Variants in RANBP2 observed in about 807,000 individuals in gnomAD.
The protein encoded by RANBP2 is E3 SUMO-protein ligase RanBP2.
RANBP2 carries 57 observed loss-of-function variants against 303.6 expected under a neutral mutation model. The observed-to-expected ratio is 0.19, with a 90% confidence interval of 0.15 to 0.23. The LOEUF is 0.23. Among genes scored for constraint, RANBP2 ranks in the 10% least tolerant of loss-of-function variants. The pLI is 1.00. For missense variants in RANBP2, 3,138 were observed against 3,780.8 expected (o/e 0.83, Z 4.46); for synonymous variants, 1,167 against 1,301.5 (o/e 0.90, Z 2.23).
chr2:108,916,565 C>A, the RANBP2 span, among the ~76,000 whole-genome samples: 1 of 152,158 alleles, frequency 6.6e-6, no homozygotes, highest in African/African-American at 2.4e-5. Flanking sequence ...CCGGATGGTT[C>A]CCTCCAAACA....
the RANBP2 span, among the ~76,000 whole-genome samples, chr2:108,843,859 TG>T: frequency 2.1e-5 from 3 of 140,502 alleles, no homozygotes; most frequent in Admixed American, 7.3e-5. Flanking sequence ...TGTGTGTGTG[TG>T]TGTGTGTGTG....
the RANBP2 span, among the ~76,000 whole-genome samples, chr2:108,837,626 C>T: frequency 3.2e-4 from 48 of 152,286 alleles, no homozygotes; most frequent in East Asian, 1.2e-3. Context: ...GTGATGCTGA[C>T]GTAAACAAAC....
the RANBP2 span, among the ~76,000 whole-genome samples, chr2:108,818,914 A>G: frequency 6.6e-6 from 1 of 152,054 alleles, no homozygotes; most frequent in Non-Finnish European, 1.5e-5. Flanking sequence ...AGTAAATTTG[A>G]TATACTGGGT....
At chr2:109,545,345 CTT>C in the RANBP2 span, 2 of 1,494,652 alleles carry the variant, frequency 1.3e-6, no homozygotes, top group Non-Finnish European at 1.8e-6. Context: ...GAAAAATAAA[CTT>C]ATTTTCTAAA....
the RANBP2 span, chr2:108,895,878 C>T: frequency 6.6e-6 from 1 of 152,250 alleles, no homozygotes; most frequent in African/African-American, 2.4e-5. Context: ...ATCCACAAGT[C>T]TTAGATGCTC....
At chr2:109,382,852 A>G in the RANBP2 span, among the ~76,000 whole-genome samples, 3 of 152,168 alleles carry the variant, frequency 2.0e-5, no homozygotes, top group African/African-American at 7.2e-5. Context: ...TGGCTGTTGG[A>G]TTATGAACCC....
At position 108,763,337 on chromosome 2, in the gene RANBP2, T is replaced by C. The variant is rs750836271; in HGVS notation, c.2798T>C (p.Met933Thr). 2.0e-5 allele frequency: 33 copies of C among 1,613,908 alleles called. No individual in the cohort carries two copies. Among genetic ancestry groups the C allele is most frequent in the Non-Finnish European group, 2.5e-5 (30 of 1,179,976 alleles). ...TPPVQSSSAC[M>T]FSQEMYGPPA... ...CCAGTGCAAAGCTCATCTGCTTGTA[T>C]GTTCTCTCAGGAGATGTATGGTCCT... is the stretch of plus-strand genomic sequence containing the variant. Residue 933 changes from methionine (M) to threonine (T), a missense_variant, in exon 20 of 29, where the codon ATG (methionine) becomes ACG (threonine). Physicochemically the swap from Met to Thr is moderately conservative, Grantham distance 81. Around this residue, in one of 20 missense-constraint regions of RANBP2, gnomAD observed 403 missense variants for 376.7 expected, o/e 1.07. Coordinates refer to ENST00000283195, the MANE Select transcript of RANBP2 (RefSeq NM_006267.5).
chr2:108,822,684 C>G, the RANBP2 span, among the ~76,000 whole-genome samples: 1 of 152,194 alleles, frequency 6.6e-6, no homozygotes, highest in Non-Finnish European at 1.5e-5. Flanking sequence ...TTTAAAAACT[C>G]ACTCTACAGC....
At chr2:109,616,037 A>T in the RANBP2 span, 4 of 1,515,830 alleles carry the variant, frequency 2.6e-6, no homozygotes, top group South Asian at 4.0e-5. Context: ...CGCCCTTCAC[A>T]TTGAGACCAA....
chr2:109,616,079 T>C, the RANBP2 span: 7 of 1,494,788 alleles, frequency 4.7e-6, no homozygotes, highest in Non-Finnish European at 6.2e-6. Context: ...AATTGCTTCT[T>C]TTAGAAAATG....
At chr2:109,305,465 G>GCA in the RANBP2 span, among the ~76,000 whole-genome samples, 1 of 152,150 alleles carries the variant, frequency 6.6e-6, no homozygotes, top group Non-Finnish European at 1.5e-5. Context: ...GGCCCCTGGA[G>GCA]GCTCAAGGAG....
chr2:109,627,405 C>T, the RANBP2 span, among the ~76,000 whole-genome samples: 3 of 152,126 alleles, frequency 2.0e-5, no homozygotes, highest in African/African-American at 4.8e-5. Flanking sequence ...CCATGTTGGC[C>T]GGGATGGTTT....
At chr2:109,224,695 T>C in the RANBP2 span, among the ~76,000 whole-genome samples, 4 of 152,108 alleles carry the variant, frequency 2.6e-5, no homozygotes, top group Non-Finnish European at 5.9e-5. Flanking sequence ...CCGTCTCTAC[T>C]AAAATACAAA....
At chr2:109,704,446 A>G in the RANBP2 span, among the ~76,000 whole-genome samples, 1 of 152,062 alleles carries the variant, frequency 6.6e-6, no homozygotes, top group East Asian at 1.9e-4. Context: ...GCTTCTTGGG[A>G]AGGCTGAGGT....
chr2:108,740,229 C>T (rs150110305), intron 6 of RANBP2, among the ~76,000 whole-genome samples: 3,287 of 152,112 alleles, frequency 0.022, 137 homozygotes, highest in African/African-American at 0.075. Context: ...AATCACTGAT[C>T]TTATATTTAT....
chr2:109,295,715 G>A, the RANBP2 span, among the ~76,000 whole-genome samples: 7 of 152,318 alleles, frequency 4.6e-5, no homozygotes, highest in South Asian at 2.1e-4. Context: ...AGATCAGGGA[G>A]GGGGAGGTTT....
chr2:109,130,140 C>T, the RANBP2 span: 3 of 1,281,846 alleles, frequency 2.3e-6, no homozygotes, highest in Admixed American at 4.1e-5. Context: ...GCGGAAGTGG[C>T]CACGGCACGT....
the RANBP2 span, chr2:109,545,700 T>A: frequency 6.8e-7 from 1 of 1,460,142 alleles, no homozygotes; most frequent in Non-Finnish European, 9.0e-7. Flanking sequence ...TAACTCATGG[T>A]AGGTCAGCAG....
chr2:109,422,140 C>T, the RANBP2 span, among the ~76,000 whole-genome samples: 6 of 152,310 alleles, frequency 3.9e-5, no homozygotes, highest in South Asian at 6.2e-4. Context: ...CTGTAAGTCA[C>T]GTTCAGAAGT....
Sources: allele counts gnomAD v4.1 joint callset (sites outside exome capture counted in the v4.1 genomes callset), GRCh38; gene constraint gnomAD v4.1.1; regional missense constraint gnomAD v4.1.1; transcripts MANE v1.5; gene names NCBI Gene and HGNC (gene_info 2026-07-23, HGNC 2026-07-21).